Variants in DDX10 observed in about 807,000 individuals in gnomAD.
The protein encoded by DDX10 is DEAD-box helicase 10.
Under a neutral mutation model 104.3 loss-of-function variants are expected in DDX10, and 74 were observed. The ratio of observed to expected loss-of-function variants is 0.71; its 90% CI spans 0.59 to 0.86. The LOEUF (loss-of-function observed/expected upper bound fraction) is 0.86. Ranked by LOEUF, DDX10 falls within the 40% of genes least tolerant of loss-of-function variation. The pLI is 0.00. For synonymous variants in DDX10, 351 were observed against 353.4 expected (o/e 0.99, Z 0.08); for missense variants, 952 against 1,040.0 (o/e 0.92, Z 1.16).
intron 11 of DDX10, among the ~76,000 whole-genome samples, chr11:108,719,514 A>G (rs1451624843): frequency 6.6e-6 from 1 of 152,114 alleles, no homozygotes; most frequent in Non-Finnish European, 1.5e-5. Flanking sequence ...TATTTTCCCC[A>G]TGGTGTACCT....
intron 16 of DDX10, among the ~76,000 whole-genome samples, chr11:108,899,212 T>C (rs1162036015): frequency 2.0e-5 from 3 of 151,778 alleles, no homozygotes; most frequent in East Asian, 1.9e-4. Flanking sequence ...TCTGGAACTA[T>C]CTTTATTGGG....
rs578068263 is a variant in DDX10, at chr11:108,805,499, C to T, written c.1966-32947C>T. Among the ~76,000 whole-genome samples, 16 of 152,294 alleles carry T rather than the reference C, an allele frequency of 1.1e-4. No individual in the cohort carries two copies. The East Asian group carries it at 2.3e-3, about 22-fold the overall frequency. On this transcript the variant is annotated intron_variant, in intron 13 of 17. Transcript: ENST00000322536. ...TTTTTTCAGATTTGTATGTTATTAG[C>T]AACATCTTATATTTTCAGATTTCTC...
At chr11:108,855,488 C>A (rs1862853318) in intron 16 of DDX10, among the ~76,000 whole-genome samples, 1 of 152,176 alleles carries the variant, frequency 6.6e-6, no homozygotes, top group African/African-American at 2.4e-5. Flanking sequence ...AAGATGGAGT[C>A]TCGCTCTGTC....
intron 13 of DDX10, among the ~76,000 whole-genome samples, chr11:108,747,623 T>C (rs1010470389): frequency 6.6e-6 from 1 of 152,176 alleles, no homozygotes; most frequent in Admixed American, 6.5e-5. Context: ...CTTACCTGTA[T>C]ACTGCTGATT....
chr11:108,890,414 T>A (rs1293794242), intron 16 of DDX10, among the ~76,000 whole-genome samples: 1 of 152,164 alleles, frequency 6.6e-6, no homozygotes, highest in Non-Finnish European at 1.5e-5. Flanking sequence ...AGTGGTATGT[T>A]GCAAATGCCC....
intron 13 of DDX10, among the ~76,000 whole-genome samples, chr11:108,778,192 A>G (rs1230673378): frequency 6.6e-6 from 1 of 152,188 alleles, no homozygotes; most frequent in Non-Finnish European, 1.5e-5. Context: ...GGAAAAAACT[A>G]CTTTAAAGTT....
intron 13 of DDX10, among the ~76,000 whole-genome samples, chr11:108,798,554 G>C (rs906275361): frequency 2.0e-5 from 3 of 152,162 alleles, no homozygotes; most frequent in Non-Finnish European, 4.4e-5. Flanking sequence ...TACAGTATTT[G>C]TCTTTTTGTG....
chr11:108,875,547 G>A (rs895387219), intron 16 of DDX10, among the ~76,000 whole-genome samples: 21 of 152,128 alleles, frequency 1.4e-4, no homozygotes, highest in African/African-American at 4.6e-4. Flanking sequence ...TGCCTTTTGT[G>A]GCTGCTGATG....
chr11:108,734,558 T>G (rs116631814), intron 13 of DDX10, among the ~76,000 whole-genome samples: 1,793 of 152,324 alleles, frequency 0.012, 37 homozygotes, highest in African/African-American at 0.041. Flanking sequence ...GGTTTTGGCA[T>G]GATGTTTATT....
chr11:108,884,948 C>T (rs1863275391), intron 16 of DDX10, among the ~76,000 whole-genome samples: 1 of 151,934 alleles, frequency 6.6e-6, no homozygotes. Flanking sequence ...ACTCATTTTT[C>T]CTCTACAGGT....
intron 5 of DDX10, 125 bp downstream of exon 5, chr11:108,678,560 T>C: frequency 9.2e-7 from 1 of 1,082,864 alleles, no homozygotes; most frequent in African/African-American, 1.6e-5. Flanking sequence ...AACTTAAAAA[T>C]TACTGAAACA....
chr11:108,842,611 A>G (rs1043913857), intron 15 of DDX10, among the ~76,000 whole-genome samples: 5 of 152,380 alleles, frequency 3.3e-5, no homozygotes, highest in African/African-American at 1.2e-4. Context: ...TGAGAAAAGC[A>G]TTCCAAAAAT....
intron 13 of DDX10, chr11:108,730,032 CATGAAGTT>C (rs2094310117): frequency 3.3e-5 from 5 of 153,344 alleles, no homozygotes; most frequent in African/African-American, 1.2e-4. Context: ...TTCAAGTGGG[CATGAAGTT>C]CCACTTTGGC....
chr11:108,692,480 A>G (rs895654096), intron 8 of DDX10, among the ~76,000 whole-genome samples: 2 of 152,172 alleles, frequency 1.3e-5, no homozygotes, highest in Admixed American at 1.3e-4. Flanking sequence ...TGCTTTGTTG[A>G]TTATACAACT....
At chr11:108,766,945 A>T (rs374953000) in intron 13 of DDX10, among the ~76,000 whole-genome samples, 1 of 152,150 alleles carries the variant, frequency 6.6e-6, no homozygotes, top group Non-Finnish European at 1.5e-5. Context: ...TGGAAAACTT[A>T]ATTATTTTGA....
intron 6 of DDX10, among the ~76,000 whole-genome samples, chr11:108,680,981 G>A (rs972835454): frequency 2.0e-5 from 3 of 152,138 alleles, no homozygotes; most frequent in African/African-American, 7.2e-5. Context: ...AGTGGACATT[G>A]ATCTCTTAAA....
intron 10 of DDX10, 139 bp downstream of exon 10, chr11:108,706,976 GA>G (rs1453662754): frequency 4.4e-6 from 3 of 682,230 alleles, no homozygotes; most frequent in Non-Finnish European, 7.6e-6. Flanking sequence ...GCTCTTTTTA[GA>G]ACAGTTTTAG....
At chr11:108,905,314 G>A (rs1225265032) in intron 16 of DDX10, among the ~76,000 whole-genome samples, 1 of 126,460 alleles carries the variant, frequency 7.9e-6, no homozygotes, top group Non-Finnish European at 1.5e-5. Flanking sequence ...ATTGTTTAAG[G>A]GGGGGGGGGG....
intron 3 of DDX10, 85 bp from the exon 4 acceptor site, chr11:108,677,000 T>C: frequency 7.7e-7 from 1 of 1,300,706 alleles, no homozygotes; most frequent in Non-Finnish European, 1.1e-6. Flanking sequence ...GAAGATCCCT[T>C]TGATTTGGAG....
Sources: gnomAD v4.1 joint callset for allele counts (sites outside exome capture counted in the v4.1 genomes callset) on GRCh38, gnomAD v4.1.1 for gene constraint, MANE v1.5 for transcripts, NCBI Gene and HGNC (gene_info 2026-07-23, HGNC 2026-07-21) for gene names.